The following MTARC2 variants were observed in gnomAD, a reference collection of about 807,000 sequenced individuals.
MTARC2 encodes MOCO sulphurase C-terminal domain containing 2.
In MTARC2, 27 loss-of-function variants were observed where a neutral mutation model predicts 35.6. The ratio of observed to expected loss-of-function variants is 0.76; its 90% CI spans 0.56 to 1.04. MTARC2 has a LOEUF of 1.04. MTARC2 is among the 50% of genes least tolerant of loss of function. MTARC2 has a pLI of 0.00. For missense variants in MTARC2, 412 were observed against 432.5 expected, an observed-to-expected ratio of 0.95 and a Z score of 0.42; for synonymous variants, 158 against 167.1, an observed-to-expected ratio of 0.95 and a Z score of 0.42.
At chr1:220,748,831 C>T (rs769124282) in intron 1 of MTARC2, 28 bp downstream of exon 1, 18 of 1,541,034 alleles carry the variant, frequency 1.2e-5, no homozygotes, top group African/African-American at 1.4e-5. Flanking sequence ...CGCGGGGCAG[C>T]GCGGAGCCTG....
rs182054776 is a variant in MTARC2 at position 220,779,545 on chromosome 1, A to G, written c.751-473A>G. Among the ~76,000 whole-genome samples, 211 of 152,304 alleles carry G rather than the reference A, an allele frequency of 1.4e-3. 1 individual carries two copies. Among genetic ancestry groups the G allele is most frequent in the African/African-American group, 4.8e-3 (201 of 41,552 alleles). ...TCAGTGGCAGTGGGATCAGGACCCC[A>G]TTAGCAGGCTGCCTGTCTGTGAAGG... On this transcript the variant is annotated intron_variant, in intron 4 of 7. Transcript: ENST00000366913.
intron 2 of MTARC2, among the ~76,000 whole-genome samples, chr1:220,758,449 C>T (rs532414850): frequency 1.5e-3 from 207 of 142,320 alleles, no homozygotes; most frequent in South Asian, 3.8e-3. Flanking sequence ...GATGGAGTTT[C>T]GCTCTTGTTG....
intron 4 of MTARC2, among the ~76,000 whole-genome samples, chr1:220,777,930 A>G (rs183745112): frequency 6.6e-6 from 1 of 152,296 alleles, no homozygotes; most frequent in East Asian, 1.9e-4. Context: ...AATACCTGAG[A>G]CTGGATAATT....
intron 4 of MTARC2, among the ~76,000 whole-genome samples, chr1:220,769,969 T>C (rs1572309266): frequency 8.2e-6 from 1 of 122,508 alleles, no homozygotes; most frequent in South Asian, 2.7e-4. Flanking sequence ...TAAGCGGGCG[T>C]GATGGCGGGC....
At chr1:220,764,686 G>A (rs1671534351) in intron 4 of MTARC2, among the ~76,000 whole-genome samples, 1 of 151,972 alleles carries the variant, frequency 6.6e-6, no homozygotes, top group South Asian at 2.1e-4. Flanking sequence ...CTACTTGGGA[G>A]CCTGAGGTGG....
At chr1:220,768,859 C>T (rs745668164) in intron 4 of MTARC2, among the ~76,000 whole-genome samples, 6 of 152,194 alleles carry the variant, frequency 3.9e-5, no homozygotes, top group Non-Finnish European at 8.8e-5. Context: ...GGTGTCCCCT[C>T]CCTGCAGGCG....
intron 4 of MTARC2, among the ~76,000 whole-genome samples, chr1:220,769,122 A>G (rs1671662032): frequency 6.6e-6 from 1 of 152,242 alleles, no homozygotes. Context: ...TTTTGATTAC[A>G]ACTGAGTCAT....
intron 4 of MTARC2, among the ~76,000 whole-genome samples, chr1:220,768,569 A>G (rs1671647448): frequency 6.6e-6 from 1 of 152,170 alleles, no homozygotes; most frequent in African/African-American, 2.4e-5. Flanking sequence ...CAACTCTGCC[A>G]CCTTGTTAAA....
At chr1:220,756,273 T>G (rs886895530) in intron 2 of MTARC2, 3 of 152,328 alleles carry the variant, frequency 2.0e-5, no homozygotes, top group Admixed American at 6.5e-5. Context: ...GAAGTTGGTG[T>G]TGTCCCAGGG....
chr1:220,774,896 C>T (rs1379807401), intron 4 of MTARC2, among the ~76,000 whole-genome samples: 1 of 150,234 alleles, frequency 6.7e-6, no homozygotes, highest in African/African-American at 2.5e-5. Flanking sequence ...GTATCTACTT[C>T]CTCTGTCTGT....
chr1:220,769,195 C>T (rs776231970), intron 4 of MTARC2, among the ~76,000 whole-genome samples: 1 of 152,220 alleles, frequency 6.6e-6, no homozygotes. Flanking sequence ...ATGGCGCAGC[C>T]AAGGACTACA....
chr1:220,764,429 C>A lies in MTARC2; in HGVS notation c.750+1379C>A, dbSNP rs552724447. On this transcript the variant is annotated intron_variant, in intron 4 of 7. Transcript: ENST00000366913. ...GATAAACATGGTTCTTTAGGATAAA[C>A]CTTTGCACTGAGCCTTGTATAAACC... Among the ~76,000 whole-genome samples the A allele has an allele frequency of 2.6e-5, 4 of 152,232 alleles. No homozygotes were observed. In the East Asian group the frequency reaches 5.8e-4, roughly 22 times the overall value.
intron 4 of MTARC2, among the ~76,000 whole-genome samples, chr1:220,765,005 A>G (rs1405011521): frequency 6.6e-6 from 1 of 152,130 alleles, no homozygotes. Context: ...TGGCCAGGAG[A>G]CAATGACAGC....
chr1:220,780,843 TTAAA>T (rs1424883061), intron 6 of MTARC2, among the ~76,000 whole-genome samples: 4 of 152,272 alleles, frequency 2.6e-5, no homozygotes, highest in African/African-American at 9.6e-5. Context: ...AATGTAGGCC[TTAAA>T]CACTTTATTT....
chr1:220,759,768 A>G (rs1038888512), intron 2 of MTARC2, among the ~76,000 whole-genome samples: 1 of 152,166 alleles, frequency 6.6e-6, no homozygotes, highest in African/African-American at 2.4e-5. Flanking sequence ...AGAATTAATC[A>G]GAGGTGAAAC....
chr1:220,774,526 A>C (rs77338980), intron 4 of MTARC2, among the ~76,000 whole-genome samples: 3,611 of 152,292 alleles, frequency 0.024, 109 homozygotes, highest in African/African-American at 0.064. Context: ...TAAACACATG[A>C]GTAGAAAACC....
chr1:220,754,076 G>A (rs1671210818), intron 1 of MTARC2, among the ~76,000 whole-genome samples: 1 of 152,068 alleles, frequency 6.6e-6, no homozygotes, highest in African/African-American at 2.4e-5. Context: ...ACAACTAAAC[G>A]AAACAAAACA....
chr1:220,777,332 C>T (rs1341303081), intron 4 of MTARC2, among the ~76,000 whole-genome samples: 1 of 152,178 alleles, frequency 6.6e-6, no homozygotes, highest in Non-Finnish European at 1.5e-5. Flanking sequence ...TTTGCTGAAG[C>T]ACCACTATAG....
intron 1 of MTARC2, chr1:220,754,377 A>T (rs1262114750): frequency 4.4e-6 from 2 of 456,288 alleles, no homozygotes; most frequent in Admixed American, 4.7e-5. Flanking sequence ...GAATGTGTGC[A>T]TGAAGAGGAA....
Sources: gnomAD v4.1 joint callset for allele counts (sites outside exome capture counted in the v4.1 genomes callset) on GRCh38, gnomAD v4.1.1 for gene constraint, MANE v1.5 for transcripts, NCBI Gene and HGNC (gene_info 2026-07-23, HGNC 2026-07-21) for gene names.